TLN2: variants seen among roughly 807,000 people sequenced by gnomAD.
The protein encoded by TLN2 is talin-2.
A neutral mutation model predicts 294.7 loss-of-function variants in TLN2; 118 were observed. That is an observed-to-expected ratio of 0.40 (90% confidence interval 0.34 to 0.47). The LOEUF (loss-of-function observed/expected upper bound fraction) is 0.47. TLN2 is among the 20% of genes least tolerant of loss of function. TLN2 has a pLI of 0.84. For synonymous variants in TLN2, 1,431 were observed against 1,304.5 expected (o/e 1.10, Z -2.09); for missense variants, 3,083 against 3,282.2 (o/e 0.94, Z 1.48).
intron 2 of TLN2, among the ~76,000 whole-genome samples, chr15:62,602,493 C>T (rs1017860284): frequency 6.6e-6 from 1 of 152,154 alleles, no homozygotes; most frequent in Non-Finnish European, 1.5e-5. Flanking sequence ...AGAGTCTCAT[C>T]TATGAAATCT....
intron 1 of TLN2, among the ~76,000 whole-genome samples, chr15:62,419,435 C>T (rs1021187616): frequency 3.3e-5 from 5 of 152,178 alleles, no homozygotes; most frequent in African/African-American, 9.6e-5. Flanking sequence ...GTGATGCTTT[C>T]TGGAGTCTTC....
chr15:62,728,425 C>T (rs1230086093), intron 28 of TLN2, among the ~76,000 whole-genome samples: 6 of 152,160 alleles, frequency 3.9e-5, no homozygotes, highest in East Asian at 1.9e-4. Context: ...GTCCGGTCCA[C>T]GTTGTTTAGT....
intron 1 of TLN2, among the ~76,000 whole-genome samples, chr15:62,539,559 C>G (rs1466786575): frequency 6.6e-6 from 1 of 152,156 alleles, no homozygotes; most frequent in African/African-American, 2.4e-5. Context: ...GAAAGGGCAT[C>G]AGCAGAGGGA....
intron 1 of TLN2, among the ~76,000 whole-genome samples, chr15:62,460,559 G>A (rs371713076): frequency 4.6e-5 from 7 of 152,120 alleles, no homozygotes; most frequent in East Asian, 3.9e-4. Flanking sequence ...CACCGTGCCC[G>A]GCACTAGCCA....
At chr15:62,512,670 A>T (rs544686099) in intron 1 of TLN2, among the ~76,000 whole-genome samples, 16 of 152,298 alleles carry the variant, frequency 1.1e-4, no homozygotes, top group African/African-American at 3.8e-4. Context: ...AGCCAACCAT[A>T]AAAAAATTCA....
intron 2 of TLN2, among the ~76,000 whole-genome samples, chr15:62,617,065 G>A (rs1171769484): frequency 6.6e-6 from 1 of 152,104 alleles, no homozygotes; most frequent in Non-Finnish European, 1.5e-5. Flanking sequence ...AAACATCCCT[G>A]TTGGGGTTTG....
intron 1 of TLN2, among the ~76,000 whole-genome samples, chr15:62,535,049 T>A (rs1474542749): frequency 6.6e-6 from 1 of 152,184 alleles, no homozygotes; most frequent in East Asian, 1.9e-4. Flanking sequence ...CTGCTAGGTA[T>A]GGTATCATTT....
chr15:62,569,519 T>C (rs2043686157), intron 1 of TLN2, among the ~76,000 whole-genome samples: 1 of 152,222 alleles, frequency 6.6e-6, no homozygotes, highest in Non-Finnish European at 1.5e-5. Flanking sequence ...GGTGCTAGGA[T>C]GGTCTTCTCA....
chr15:62,709,717 C>CTTTTTTTTTCTT lies in TLN2; in HGVS notation c.2467+926_2467+937dup, dbSNP rs549305548. On this transcript the variant is annotated intron_variant, in intron 21 of 58. Coordinates refer to ENST00000636159, the MANE Select transcript of TLN2 (RefSeq NM_015059.3). ...CTTTTCATTTTATATATCTTAAAGA[C>CTTTTTTTTTCTT]TTTTTTTTTCTTTTTTCTTTTTTCT... 1.7e-3 allele frequency among the ~76,000 whole-genome samples: 206 copies of CTTTTTTTTTCTT among 120,644 alleles called. 1 individual carries two copies. Among genetic ancestry groups the CTTTTTTTTTCTT allele is most frequent in the African/African-American group, 7.3e-3 (199 of 27,324 alleles). The allele number at this position is 120,644 out of a possible 152,430, so 79.1% of individuals were successfully genotyped here.
At chr15:62,440,779 C>G (rs1392185135) in intron 1 of TLN2, among the ~76,000 whole-genome samples, 1 of 152,192 alleles carries the variant, frequency 6.6e-6, no homozygotes, top group African/African-American at 2.4e-5. Flanking sequence ...GTGTACATCT[C>G]TTATCCCTTC....
At chr15:62,487,560 C>T (rs1004415984) in intron 1 of TLN2, among the ~76,000 whole-genome samples, 4 of 152,040 alleles carry the variant, frequency 2.6e-5, no homozygotes, top group African/African-American at 4.8e-5. Context: ...TTGCTGGGTG[C>T]GGTGGCTCAT....
chr15:62,579,751 C>T (rs1027292186), intron 1 of TLN2, among the ~76,000 whole-genome samples: 2 of 152,182 alleles, frequency 1.3e-5, no homozygotes, highest in African/African-American at 4.8e-5. Context: ...GTGAGATTCA[C>T]CACTTGAGGA....
At chr15:62,757,564 G>A (rs994802991) in intron 37 of TLN2, among the ~76,000 whole-genome samples, 1 of 152,264 alleles carries the variant, frequency 6.6e-6, no homozygotes, top group South Asian at 2.1e-4. Flanking sequence ...TTTAAATCCT[G>A]ACCTATCTCT....
intron 57 of TLN2, among the ~76,000 whole-genome samples, chr15:62,837,463 T>C (rs1237751832): frequency 6.6e-6 from 1 of 152,188 alleles, no homozygotes. Flanking sequence ...CCACACTGAC[T>C]CTTATGAGGG....
chr15:62,652,232 A>G, intron 6 of TLN2, 98 bp downstream of exon 6: 1 of 1,329,248 alleles, frequency 7.5e-7, no homozygotes, highest in African/African-American at 1.5e-5. Context: ...GCAACTTTGA[A>G]TGTGTCTTAA....
At chr15:62,628,490 A>G (rs1484627397) in intron 3 of TLN2, among the ~76,000 whole-genome samples, 1 of 152,260 alleles carries the variant, frequency 6.6e-6, no homozygotes, top group Non-Finnish European at 1.5e-5. Flanking sequence ...TATTGTAAAC[A>G]TGTATGAATT....
At chr15:62,627,846 T>TTG (rs2049418675) in intron 3 of TLN2, among the ~76,000 whole-genome samples, 4 of 151,742 alleles carry the variant, frequency 2.6e-5, no homozygotes, top group African/African-American at 4.8e-5. Context: ...AATTTTGGGC[T>TTG]CGTTTTACTC....
intron 1 of TLN2, among the ~76,000 whole-genome samples, chr15:62,442,515 AAATT>A (rs1194817048): frequency 3.4e-5 from 5 of 149,054 alleles, no homozygotes; most frequent in African/African-American, 1.3e-4. Flanking sequence ...AAAAAAAAAA[AAATT>A]AGAGGATGTC....
chr15:62,414,152 C>CAAAAAA (rs564398066), intron 1 of TLN2, among the ~76,000 whole-genome samples: 10 of 51,074 alleles, frequency 2.0e-4, no homozygotes, highest in African/African-American at 6.8e-4. Flanking sequence ...GAAGTGTTAG[C>CAAAAAA]AAAAAAAAAA....
Sources: gnomAD v4.1 joint callset for allele counts (sites outside exome capture counted in the v4.1 genomes callset) on GRCh38, gnomAD v4.1.1 for gene constraint, MANE v1.5 for transcripts, NCBI Gene and HGNC (gene_info 2026-07-23, HGNC 2026-07-21) for gene names.